CD163L1: variants seen among roughly 807,000 people sequenced by gnomAD.
CD163L1 encodes the protein CD163 molecule like 1, also known as scavenger receptor cysteine-rich type 1 protein M160.
A neutral mutation model predicts 165.4 loss-of-function variants in CD163L1; 124 were observed. The ratio of observed to expected loss-of-function variants is 0.75; its 90% CI spans 0.65 to 0.87. The LOEUF (loss-of-function observed/expected upper bound fraction) is 0.87. Ranked by LOEUF, CD163L1 falls within the 40% of genes least tolerant of loss-of-function variation. The pLI is 0.00. For missense variants in CD163L1, 1,525 were observed against 1,799.9 expected (o/e 0.85, Z 2.76); for synonymous variants, 585 against 662.2 (o/e 0.88, Z 1.79).
chr12:7,366,933 T>G (rs1449931556), intron 18 of CD163L1, among the ~76,000 whole-genome samples: 1 of 152,210 alleles, frequency 6.6e-6, no homozygotes, highest in Non-Finnish European at 1.5e-5. Context: ...GTAATGAAAC[T>G]GTGGACCAGG....
intron 9 of CD163L1, among the ~76,000 whole-genome samples, chr12:7,378,205 A>C (rs748952708): frequency 6.6e-6 from 1 of 152,286 alleles, no homozygotes. Context: ...CAGCTACTAA[A>C]TATTTCTGAA....
intron 4 of CD163L1, among the ~76,000 whole-genome samples, chr12:7,420,946 C>T (rs1948335551): frequency 7.3e-6 from 1 of 136,168 alleles, no homozygotes. Flanking sequence ...GGCAACAGCC[C>T]AAATGCCCAT....
intron 4 of CD163L1, among the ~76,000 whole-genome samples, chr12:7,417,622 G>A (rs1336907516): frequency 6.6e-6 from 1 of 152,042 alleles, no homozygotes; most frequent in Non-Finnish European, 1.5e-5. Context: ...TTACCATGAA[G>A]GGATGTTGAA....
Position 7,373,406 on chromosome 12 carries a change from G to A in CD163L1, c.3644C>T (p.Thr1215Met), listed in dbSNP as rs774379913. 1.2e-5 allele frequency: 20 copies of A among 1,614,046 alleles called. No homozygotes were observed. The highest frequency in any genetic ancestry group is 1.1e-4 in the East Asian group (5 of 44,894). Residue 1215 changes from threonine (T) to methionine (M), a missense_variant, in exon 14 of 20, where the codon ACG becomes ATG. Thr to Met is a moderately conservative substitution (Grantham distance 81). Coordinates refer to ENST00000313599, the MANE Select transcript of CD163L1 (RefSeq NM_174941.6). Reference protein sequence around the residue: ...MWVDDIQCPKTHISIWQCLSA... With the variant: ...MWVDDIQCPKMHISIWQCLSA... ...CAGGCACTGCCATATGGAGATATGCGTTTTAGGACACTGAATGTCATCCAC... is the reference window on the plus strand; with the variant it reads ...CAGGCACTGCCATATGGAGATATGCATTTTAGGACACTGAATGTCATCCAC...
rs1315947323 is a variant in CD163L1 at position 7,374,212 on chromosome 12, C to A, written c.3409+230G>T. Among the ~76,000 whole-genome samples the A allele has an allele frequency of 6.6e-6, 1 of 152,232 alleles. No homozygotes were observed. The highest frequency in any genetic ancestry group is 1.5e-5 in the Non-Finnish European group (1 of 68,046). ...TCCCTTTCTTGGGGTCTAACATTCT[C>A]TGACAGTAAGACCAATCTTTTATTC... On this transcript the variant is annotated intron_variant, in intron 13 of 19. Transcript: ENST00000313599. This position sits in a 1 kb window ranked among gnomAD's most constrained non-coding sequence, Gnocchi z 5.4.
intron 2 of CD163L1, among the ~76,000 whole-genome samples, chr12:7,436,874 C>G (rs1948721843): frequency 6.6e-6 from 1 of 151,638 alleles, no homozygotes; most frequent in Non-Finnish European, 1.5e-5. Context: ...CTTCAATAAT[C>G]ACTCATAAGG....
downstream of CD163L1, among the ~76,000 whole-genome samples, chr12:7,343,141 AAG>A (rs1329119077): frequency 6.6e-6 from 1 of 152,168 alleles, no homozygotes; most frequent in Non-Finnish European, 1.5e-5. Flanking sequence ...GACAGAAAGA[AAG>A]AGGAGGAGAG....
At chr12:7,423,005 C>T (rs945062718) in intron 4 of CD163L1, among the ~76,000 whole-genome samples, 14 of 152,140 alleles carry the variant, frequency 9.2e-5, no homozygotes, top group South Asian at 6.2e-4. Context: ...AAACTCTCCA[C>T]AGCAAATCAA....
In CD163L1 at chr12:7,368,984, G is replaced by C. The variant is rs1038999817; in HGVS notation, c.4040-19C>G. The C allele has an allele frequency of 3.8e-5, 62 of 1,612,968 alleles. No individual in the cohort carries two copies. The highest frequency in any genetic ancestry group is 5.1e-5 in the Non-Finnish European group (60 of 1,179,774). On this transcript the variant is annotated intron_variant, in intron 15 of 19. Transcript: ENST00000313599. This position sits in a 1 kb window ranked among gnomAD's most constrained non-coding sequence, Gnocchi z 4.3. ...GACTGTCCTGAGAGAGAGAGAGAGA[G>C]AGAGAGACGTAAATGAACGAAAAGG... is the stretch of plus-strand genomic sequence containing the variant.
intron 8 of CD163L1, among the ~76,000 whole-genome samples, chr12:7,384,136 A>G (rs1006489552): frequency 6.6e-6 from 1 of 152,088 alleles, no homozygotes; most frequent in African/African-American, 2.4e-5. Context: ...AGAAACAAAC[A>G]GAAATCATGG....
chr12:7,375,840 T>C lies in CD163L1; in HGVS notation c.2546A>G (p.His849Arg). The change falls in exon 10 of 20, where the codon CAC (histidine) becomes CGC (arginine). Residue 849 changes from histidine to arginine, a missense_variant. Transcript: ENST00000313599. ...AGTTAGACCATTCCCTTTTCCAAAG[T>C]GATCTCCCACAGAAAGAGATATGGC... ...GDAISLSVGD[H>R]FGKGNGLTWA... 1 of 1,614,208 alleles carries C rather than the reference T, an allele frequency of 6.2e-7. No individual in the cohort carries two copies. Among genetic ancestry groups the C allele is most frequent in the Non-Finnish European group, 8.5e-7 (1 of 1,180,038 alleles).
intron 4 of CD163L1, among the ~76,000 whole-genome samples, chr12:7,411,620 G>A (rs779900690): frequency 6.6e-6 from 1 of 152,280 alleles, no homozygotes; most frequent in East Asian, 1.9e-4. Flanking sequence ...ATGATTGTAA[G>A]GTTTCTGAGC....
the CD163L1 span, chr12:7,324,132 G>C: frequency 2.0e-6 from 2 of 999,564 alleles, no homozygotes; most frequent in East Asian, 5.4e-5. Context: ...CTCCAGTCTA[G>C]GCAACAGAGA....
chr12:7,342,975 T>C (rs965059803), downstream of CD163L1, among the ~76,000 whole-genome samples: 1 of 152,232 alleles, frequency 6.6e-6, no homozygotes, highest in South Asian at 2.1e-4. Context: ...CCTGTTTACC[T>C]GCTCTTCCTC....
chr12:7,338,000 T>C, the CD163L1 span, among the ~76,000 whole-genome samples: 2 of 152,098 alleles, frequency 1.3e-5, no homozygotes, highest in Non-Finnish European at 1.5e-5. Context: ...AAAGAATGAG[T>C]TCATGTGCTT....
chr12:7,322,267 A>G, the CD163L1 span: 9 of 1,050,464 alleles, frequency 8.6e-6, no homozygotes, highest in Non-Finnish European at 1.3e-5. Flanking sequence ...GTCTGGCAAT[A>G]TAGCAGGTGT....
intron 4 of CD163L1, among the ~76,000 whole-genome samples, chr12:7,421,011 G>GTGTATATATACACA (rs1565808528): frequency 5.4e-5 from 5 of 92,708 alleles, no homozygotes; most frequent in African/African-American, 2.7e-4. Flanking sequence ...ATATATATAC[G>GTGTATATATACACA]TGTATATATA....
chr12:7,360,016 G>A (rs1456280928), intron 18 of CD163L1, among the ~76,000 whole-genome samples: 1 of 152,074 alleles, frequency 6.6e-6, no homozygotes, highest in Admixed American at 6.6e-5. Flanking sequence ...TGTTTGCTAA[G>A]CTTCTTAAAT....
In CD163L1 at chr12:7,375,559, T is replaced by G. The variant is rs761608552; in HGVS notation, c.2723A>C (p.Gln908Pro). 2.5e-6 allele frequency: 4 copies of G among 1,613,430 alleles called. No homozygotes were observed. The Middle Eastern group carries it at 4.9e-4, about 200-fold the overall frequency. Residue 908 changes from glutamine (Q) to proline (P), a missense_variant, in exon 11 of 20, where the codon CAG becomes CCG. Physicochemically the swap from Gln to Pro is moderately conservative, Grantham distance 76. Coordinates refer to ENST00000313599, the MANE Select transcript of CD163L1 (RefSeq NM_174941.6). ...TDVRLVNGKS[Q>P]CDGQVEINVL... ...GTTGATCTCCACTTGCCCGTCACAC[T>G]GGGATTTGCCATTCACAAGTCGGAC...
Sources: gnomAD v4.1 joint callset for allele counts (sites outside exome capture counted in the v4.1 genomes callset) on GRCh38, gnomAD v4.1.1 for gene constraint, Gnocchi (gnomAD v3.1) non-coding constraint, MANE v1.5 for transcripts, NCBI Gene and HGNC (gene_info 2026-07-23, HGNC 2026-07-21) for gene names.